Variants in GALNT17 observed in about 807,000 individuals in gnomAD.
GALNT17 encodes UDP-GalNAc:polypeptide N-acetylgalactosaminyltransferase-like 3.
A neutral mutation model predicts 63.7 loss-of-function variants in GALNT17; 29 were observed. The ratio of observed to expected loss-of-function variants is 0.46; its 90% CI spans 0.34 to 0.62. The LOEUF (loss-of-function observed/expected upper bound fraction) is 0.62, where lower values mean the gene tolerates loss of function less well. Ranked by LOEUF, GALNT17 falls within the 20% of genes least tolerant of loss-of-function variation. The probability of loss-of-function intolerance (pLI) is 0.01; values close to 1 mark genes in which losing one functional copy is unlikely to be tolerated. For synonymous variants in GALNT17, 305 were observed against 318.3 expected (o/e 0.96, Z 0.45); for missense variants, 603 against 799.6 (o/e 0.75, Z 2.97).
rs1563128913 is a variant in GALNT17 at position 71,486,377 on chromosome 7, AATAATAAT to A, written c.962+65274_962+65281del. Among the ~76,000 whole-genome samples the A allele has an allele frequency of 1.1e-4, 16 of 140,414 alleles. No individual in the cohort carries two copies. In the East Asian group the frequency reaches 2.9e-3, roughly 26 times the overall value. The allele number at this position is 140,414 out of a possible 152,430, so 92.1% of individuals were successfully genotyped here. ...TAATAATAATAATAATAATAATAAT[AATAATAAT>A]AATAGTAAATAATATATTTCCTCCC... is the stretch of plus-strand genomic sequence containing the variant. On this transcript the variant is annotated intron_variant, in intron 5 of 10. Transcript: ENST00000333538.
chr7:71,466,000 C>T (rs1275827957), intron 5 of GALNT17, among the ~76,000 whole-genome samples: 1 of 152,078 alleles, frequency 6.6e-6, no homozygotes, highest in East Asian at 1.9e-4. Flanking sequence ...TCAATCTCTC[C>T]TGGATCTAGG....
chr7:71,643,453 G>A (rs1214066768), intron 6 of GALNT17, among the ~76,000 whole-genome samples: 1 of 152,074 alleles, frequency 6.6e-6, no homozygotes, highest in Non-Finnish European at 1.5e-5. Context: ...GGGCCACAGA[G>A]CGAGACTCTG....
intron 1 of GALNT17, among the ~76,000 whole-genome samples, chr7:71,217,587 T>A (rs1789508478): frequency 6.6e-6 from 1 of 152,116 alleles, no homozygotes. Context: ...CCCTCCTTTT[T>A]ATTTATTTTT....
At chr7:71,548,330 T>C (rs924636810) in intron 5 of GALNT17, among the ~76,000 whole-genome samples, 1 of 152,198 alleles carries the variant, frequency 6.6e-6, no homozygotes, top group Non-Finnish European at 1.5e-5. Flanking sequence ...TGTCACACTG[T>C]GCCCCCAAAT....
At chr7:71,407,292 G>C (rs921730380) in intron 3 of GALNT17, among the ~76,000 whole-genome samples, 1 of 152,162 alleles carries the variant, frequency 6.6e-6, no homozygotes, top group African/African-American at 2.4e-5. Context: ...ATGTGCCCAG[G>C]GAGAAGGTGG....
intron 1 of GALNT17, among the ~76,000 whole-genome samples, chr7:71,323,042 G>A (rs898508107): frequency 1.1e-4 from 17 of 152,176 alleles, no homozygotes; most frequent in African/African-American, 3.6e-4. Flanking sequence ...GAAAAAAAAA[G>A]AAGATAAAAG....
chr7:71,571,442 T>C, intron 6 of GALNT17, 40 bp downstream of exon 6: 1 of 1,549,952 alleles, frequency 6.5e-7, no homozygotes, highest in Non-Finnish European at 8.9e-7. Flanking sequence ...TGTGCCCATG[T>C]TTGTGAGCAG....
chr7:71,349,608 G>C (rs762962241), intron 2 of GALNT17, among the ~76,000 whole-genome samples: 1 of 152,098 alleles, frequency 6.6e-6, no homozygotes, highest in Non-Finnish European at 1.5e-5. Context: ...TTGGAGTTTC[G>C]TTTCATTATG....
intron 9 of GALNT17, among the ~76,000 whole-genome samples, chr7:71,710,030 A>G (rs1281699770): frequency 6.6e-6 from 1 of 152,112 alleles, no homozygotes; most frequent in African/African-American, 2.4e-5. Flanking sequence ...AGCAGGGTAG[A>G]TTTAGTCAAT....
intron 4 of GALNT17, among the ~76,000 whole-genome samples, chr7:71,418,951 G>T (rs1786606464): frequency 6.6e-6 from 1 of 152,004 alleles, no homozygotes; most frequent in South Asian, 2.1e-4. Context: ...TACAAATACA[G>T]GCGCCTGTAA....
chr7:71,181,705 T>TA (rs879089519), intron 1 of GALNT17, among the ~76,000 whole-genome samples: 2 of 151,526 alleles, frequency 1.3e-5, no homozygotes, highest in African/African-American at 4.8e-5. Flanking sequence ...CCCATCCCTA[T>TA]AAAAAAGTAA....
intron 6 of GALNT17, among the ~76,000 whole-genome samples, chr7:71,620,598 CTTTA>C (rs1273144512): frequency 6.6e-6 from 1 of 152,056 alleles, no homozygotes; most frequent in Non-Finnish European, 1.5e-5. Context: ...GGCACAAAAC[CTTTA>C]TTTAATTGAT....
At chr7:71,531,922 T>C (rs1401545921) in intron 5 of GALNT17, among the ~76,000 whole-genome samples, 1 of 152,108 alleles carries the variant, frequency 6.6e-6, no homozygotes, top group Non-Finnish European at 1.5e-5. Context: ...AACAATAATG[T>C]AGGAAGCAGC....
intron 3 of GALNT17, among the ~76,000 whole-genome samples, chr7:71,397,046 G>A (rs61455240): frequency 0.12 from 18,300 of 151,898 alleles, 2,455 homozygotes; most frequent in African/African-American, 0.34. Context: ...ATAGAATATT[G>A]TGTTATCTTC....
chr7:71,604,685 T>C (rs1455405057), intron 6 of GALNT17, among the ~76,000 whole-genome samples: 1 of 152,202 alleles, frequency 6.6e-6, no homozygotes, highest in Non-Finnish European at 1.5e-5. Flanking sequence ...GTGGCTCTTA[T>C]ACAGGGCATT....
At position 71,679,567 on chromosome 7, in the gene GALNT17, G is replaced by T. The variant is rs4272249; in HGVS notation, c.1500+2261G>T. 2.7e-3 allele frequency among the ~76,000 whole-genome samples: 412 copies of T among 152,202 alleles called. 1 individual carries two copies. Among genetic ancestry groups the T allele is most frequent in the African/African-American group, 8.3e-3 (346 of 41,530 alleles). On this transcript the variant is annotated intron_variant, in intron 9 of 10. Coordinates refer to ENST00000333538, the MANE Select transcript of GALNT17 (RefSeq NM_022479.3). ...AGGGGAGGGACTAGAAAAGAGGCAA[G>T]AAATCTACAGTAGAATAAGCGTAAC...
chr7:71,380,328 G>T (rs1792821625), intron 2 of GALNT17, among the ~76,000 whole-genome samples: 1 of 151,988 alleles, frequency 6.6e-6, no homozygotes, highest in Admixed American at 6.6e-5. Flanking sequence ...TTTTTTATTA[G>T]TATTAATATT....
At chr7:71,237,519 A>T (rs1309615967) in intron 1 of GALNT17, among the ~76,000 whole-genome samples, 1 of 150,020 alleles carries the variant, frequency 6.7e-6, no homozygotes, top group Non-Finnish European at 1.5e-5. Context: ...CTGAAAAAAA[A>T]AAAAAAAAAA....
At chr7:71,595,204 T>C (rs1418220522) in intron 6 of GALNT17, among the ~76,000 whole-genome samples, 1 of 152,022 alleles carries the variant, frequency 6.6e-6, no homozygotes, top group Admixed American at 6.6e-5. Context: ...TGAGAATCGC[T>C]AGAGGTTAGG....
Sources: gnomAD v4.1 joint callset for allele counts (sites outside exome capture counted in the v4.1 genomes callset) on GRCh38, gnomAD v4.1.1 for gene constraint, MANE v1.5 for transcripts, NCBI Gene and HGNC (gene_info 2026-07-23, HGNC 2026-07-21) for gene names.